ENOX2: variants seen among roughly 807,000 people sequenced by gnomAD.
ENOX2 encodes APK1 antigen.
Under a neutral mutation model 45.0 loss-of-function variants are expected in ENOX2, and 36 were observed. The ratio of observed to expected loss-of-function variants is 0.80; its 90% CI spans 0.61 to 1.06. The LOEUF is 1.06. ENOX2 is among the 50% of genes least tolerant of loss of function. The pLI is 0.00. For synonymous variants in ENOX2, 174 were observed against 152.3 expected, an observed-to-expected ratio of 1.14 and a Z score of -1.05; for missense variants, 423 against 462.5, an observed-to-expected ratio of 0.91 and a Z score of 0.78.
chrX:130,641,302 G>C (rs2036074102), intron 10 of ENOX2, among the ~76,000 whole-genome samples: 1 of 111,937 alleles, frequency 8.9e-6, no homozygotes, highest in African/African-American at 3.2e-5. Flanking sequence ...CAAATAAAAA[G>C]TGGAATAAAA....
At chrX:130,876,314 A>G (rs76589693) in intron 2 of ENOX2, among the ~76,000 whole-genome samples, 1 of 112,223 alleles carries the variant, frequency 8.9e-6, no homozygotes, top group African/African-American at 3.2e-5. Flanking sequence ...TAACCTTGAA[A>G]TCATTATGCT....
chrX:130,771,951 T>G (rs953357203), intron 3 of ENOX2, among the ~76,000 whole-genome samples: 8 of 111,880 alleles, frequency 7.2e-5, no homozygotes, highest in Non-Finnish European at 1.3e-4. Context: ...CTTACTAGTG[T>G]GCCAAGTCCT....
At chrX:130,631,876 A>G (rs1323107474) in intron 12 of ENOX2, among the ~76,000 whole-genome samples, 1 of 101,913 alleles carries the variant, frequency 9.8e-6, no homozygotes, top group East Asian at 3.1e-4. Context: ...CCCAACATTT[A>G]TGGTATACTA....
chrX:130,870,049 C>T (rs1302239548), intron 2 of ENOX2, among the ~76,000 whole-genome samples: 1 of 111,301 alleles, frequency 9.0e-6, no homozygotes, highest in Non-Finnish European at 1.9e-5. Context: ...TCCCCACTCA[C>T]CTCAAATCAC....
Position 130,668,087 on chromosome X carries a change from G to C in ENOX2, c.695-345C>G, listed in dbSNP as rs150223180. Among the ~76,000 whole-genome samples, 421 of 110,233 alleles carry C rather than the reference G, an allele frequency of 3.8e-3. 3 individuals are homozygous for C. Among genetic ancestry groups the C allele is most frequent in the African/African-American group, 0.014 (409 of 30,278 alleles). On this transcript the variant is annotated intron_variant, in intron 7 of 14. Coordinates refer to ENST00000394363, the MANE Select transcript of ENOX2 (RefSeq NM_006375.4). ...TGTGTGTGTGTGTGTGAGAGAGAGA[G>C]AGAGAGAGAGAGAAGGGGGAAAGGG...
rs747378616 is a variant in ENOX2 at position 130,669,104 on chromosome X, T to C, written c.694+861A>G. On this transcript the variant is annotated intron_variant, in intron 7 of 14. Transcript: ENST00000394363. ...TGGTGAAGGAGACCTATTTGGAAAG[T>C]AGGGTTAGCAGTATCTTGATGAGTT... 1.6e-4 allele frequency among the ~76,000 whole-genome samples: 18 copies of C among 112,053 alleles called. No individual in the cohort carries two copies. In the South Asian group the frequency reaches 6.0e-3, roughly 37 times the overall value.
intron 2 of ENOX2, among the ~76,000 whole-genome samples, chrX:130,818,446 T>A (rs1222527345): frequency 9.0e-6 from 1 of 111,288 alleles, no homozygotes; most frequent in Non-Finnish European, 1.9e-5. Context: ...GCCAAGACAA[T>A]CCTAAGCAAA....
chrX:130,801,233 G>A (rs2077211494), intron 2 of ENOX2, among the ~76,000 whole-genome samples: 1 of 112,223 alleles, frequency 8.9e-6, no homozygotes, highest in Admixed American at 9.4e-5. Flanking sequence ...AGAATAACAC[G>A]GCTTAGCAAG....
chrX:130,859,082 C>T (rs768478284), intron 2 of ENOX2, among the ~76,000 whole-genome samples: 4 of 112,442 alleles, frequency 3.6e-5, no homozygotes, highest in Non-Finnish European at 5.6e-5. Context: ...AATCCCAGCA[C>T]GTTGGGAGGC....
chrX:130,712,387 C>T, intron 3 of ENOX2, among the ~76,000 whole-genome samples: 1 of 111,379 alleles, frequency 9.0e-6, no homozygotes, highest in East Asian at 2.8e-4. Flanking sequence ...AAAGTAGTTT[C>T]CCAATAAATA....
chrX:130,738,963 A>C (rs1476256480), intron 3 of ENOX2, among the ~76,000 whole-genome samples: 1 of 112,183 alleles, frequency 8.9e-6, no homozygotes, highest in African/African-American at 3.2e-5. Context: ...TGCTTCTATC[A>C]CTGAAGGAAT....
intron 3 of ENOX2, among the ~76,000 whole-genome samples, chrX:130,765,190 C>G (rs1390228031): frequency 9.0e-6 from 1 of 110,992 alleles, no homozygotes; most frequent in African/African-American, 3.3e-5. Context: ...AGCAGTGGTC[C>G]GCTAGTTATT....
intron 10 of ENOX2, among the ~76,000 whole-genome samples, chrX:130,639,581 T>C (rs183234743): frequency 3.6e-5 from 4 of 112,120 alleles, no homozygotes; most frequent in Admixed American, 2.8e-4. Flanking sequence ...TTTTAAGAGA[T>C]ACAGCAAACA....
At chrX:130,677,606 G>A (rs772426798) in intron 6 of ENOX2, among the ~76,000 whole-genome samples, 2 of 110,794 alleles carry the variant, frequency 1.8e-5, no homozygotes, top group African/African-American at 6.6e-5. Context: ...CTCATAAATG[G>A]ATTAATCCAT....
chrX:130,793,040 T>C (rs1182863718), intron 2 of ENOX2, among the ~76,000 whole-genome samples: 1 of 112,272 alleles, frequency 8.9e-6, no homozygotes, highest in Non-Finnish European at 1.9e-5. Context: ...TTACTAAGTG[T>C]GCCACTTACA....
intron 2 of ENOX2, among the ~76,000 whole-genome samples, chrX:130,864,920 G>A (rs1249318789): frequency 2.7e-5 from 3 of 111,103 alleles, no homozygotes; most frequent in Non-Finnish European, 5.7e-5. Context: ...ACTGAGGCAC[G>A]AGAATTGCTT....
At chrX:130,892,064 A>G (rs760073812) in intron 2 of ENOX2, among the ~76,000 whole-genome samples, 2 of 111,972 alleles carry the variant, frequency 1.8e-5, no homozygotes, top group South Asian at 3.8e-4. Context: ...GTGATCTGAT[A>G]GCATCTCGCA....
chrX:130,875,359 C>A (rs1388699569), intron 2 of ENOX2, among the ~76,000 whole-genome samples: 1 of 108,979 alleles, frequency 9.2e-6, no homozygotes, highest in Non-Finnish European at 1.9e-5. Flanking sequence ...TAAAGAAGAG[C>A]AAAGTTGGAG....
chrX:130,711,718 C>T (rs1449126204), intron 3 of ENOX2, among the ~76,000 whole-genome samples: 1 of 111,479 alleles, frequency 9.0e-6, no homozygotes, highest in Non-Finnish European at 1.9e-5. Context: ...ATAGCGGGTG[C>T]TTTCACAAAC....
Sources: gnomAD v4.1 joint callset for allele counts (sites outside exome capture counted in the v4.1 genomes callset) on GRCh38, gnomAD v4.1.1 for gene constraint, MANE v1.5 for transcripts, NCBI Gene and HGNC (gene_info 2026-07-23, HGNC 2026-07-21) for gene names.